ZNF546: variants seen among roughly 807,000 people sequenced by gnomAD.
The protein encoded by ZNF546 is zinc finger protein 546.
A neutral mutation model predicts 76.2 loss-of-function variants in ZNF546; 60 were observed. The ratio of observed to expected loss-of-function variants is 0.79; its 90% CI spans 0.64 to 0.98. The LOEUF is 0.98. ZNF546 is among the 50% of genes least tolerant of loss of function. The probability of loss-of-function intolerance (pLI) is 0.00; values close to 1 mark genes in which losing one functional copy is unlikely to be tolerated. For missense variants in ZNF546, 936 were observed against 1,035.6 expected (o/e 0.90, Z 1.32); for synonymous variants, 277 against 328.1 (o/e 0.84, Z 1.68).
At chr19:40,012,461 C>A (rs2144648508) in intron 6 of ZNF546, among the ~76,000 whole-genome samples, 1 of 152,244 alleles carries the variant, frequency 6.6e-6, no homozygotes, top group Middle Eastern at 3.4e-3. Context: ...AGTTATTATA[C>A]TTAGCTGCCC....
intron 6 of ZNF546, among the ~76,000 whole-genome samples, chr19:40,009,548 A>G (rs1237911139): frequency 6.6e-6 from 1 of 152,222 alleles, no homozygotes; most frequent in African/African-American, 2.4e-5. Context: ...ACACATTTAA[A>G]GTATAAAATT....
chr19:40,012,129 A>AGC (rs1555724747), intron 6 of ZNF546, among the ~76,000 whole-genome samples: 2 of 151,930 alleles, frequency 1.3e-5, no homozygotes, highest in Non-Finnish European at 2.9e-5. Flanking sequence ...GTAATGATAA[A>AGC]ACAACTGATG....
intron 3 of ZNF546, among the ~76,000 whole-genome samples, chr19:40,004,413 A>G (rs1214985370): frequency 6.6e-6 from 1 of 151,822 alleles, no homozygotes; most frequent in African/African-American, 2.4e-5. Context: ...GATTACAGGC[A>G]TGTGCCACCA....
At chr19:40,009,455 T>C (rs1205964460) in intron 6 of ZNF546, among the ~76,000 whole-genome samples, 1 of 152,250 alleles carries the variant, frequency 6.6e-6, no homozygotes, top group African/African-American at 2.4e-5. Context: ...TTATATAGTA[T>C]AAAATGTACT....
At position 40,014,237 on chromosome 19, in the gene ZNF546, C is replaced by T. The variant is rs1222953042; in HGVS notation, c.967C>T (p.His323Tyr). Residue 323 changes from histidine to tyrosine, a missense_variant, in exon 7 of 7, where the codon CAT becomes TAT. His to Tyr is a moderately conservative substitution (Grantham distance 83). Transcript: ENST00000347077. ...VRDLRVHQTI[H>Y]AGERPYECKE... Reference sequence around the variant, plus strand: ...AGACCTTAGAGTACATCAGACAATTCATGCTGGAGAGAGACCTTATGAATG... The same window carrying T: ...AGACCTTAGAGTACATCAGACAATTTATGCTGGAGAGAGACCTTATGAATG... 1 of 1,613,440 alleles carries T rather than the reference C, an allele frequency of 6.2e-7. No individual in the cohort carries two copies. The highest frequency in any genetic ancestry group is 8.5e-7 in the Non-Finnish European group (1 of 1,179,512).
chr19:40,006,286 GA>G lies in ZNF546; in HGVS notation c.171+106del, dbSNP rs1044455042. 5.1e-5 allele frequency: 51 copies of G among 1,001,146 alleles called. No homozygotes were observed. The African/African-American group carries it at 7.2e-4, about 14-fold the overall frequency. 62.0% of individuals were successfully genotyped at this position (1,001,146 alleles called of 1,614,324 possible). On this transcript the variant is annotated intron_variant, in intron 4 of 6. Coordinates refer to ENST00000347077, the MANE Select transcript of ZNF546 (RefSeq NM_178544.5). Reference sequence around the variant, plus strand: ...TCCTTCCTAAGACAACCCTGTTGTGGAACCTGCTCCCTAGTTACTCCCTAGT... The same window carrying G: ...TCCTTCCTAAGACAACCCTGTTGTGGACCTGCTCCCTAGTTACTCCCTAGT...
rs543089995 is a variant in ZNF546 at position 40,020,947 on chromosome 19, G to C, written c.*5166G>C. 2.0e-5 allele frequency: 3 copies of C among 151,970 alleles called. No homozygotes were observed. The highest frequency in any genetic ancestry group is 6.5e-5 in the Admixed American group (1 of 15,282). 9.4% of individuals were successfully genotyped at this position (151,970 alleles called of 1,614,324 possible). On this transcript the variant is annotated 3_prime_UTR_variant, in exon 7 of 7. Coordinates refer to ENST00000347077, the MANE Select transcript of ZNF546 (RefSeq NM_178544.5). ...GGATGGCTCAATTTTTTATTTGAAC[G>C]TACTATAATGAATTTAAACTTTCAT... is the stretch of plus-strand genomic sequence containing the variant.
chr19:40,014,332 G>A lies in ZNF546; in HGVS notation c.1062G>A (p.Glu354=), dbSNP rs1348497045. 6 of 1,613,984 alleles carry A rather than the reference G, an allele frequency of 3.7e-6. No homozygotes were observed. The highest frequency in any genetic ancestry group is 1.3e-5 in the African/African-American group (1 of 74,954). ...LTEHQRIHTG[E]RPYECKVCGK... is the part of the protein sequence containing the mutation. ...AACATCAAAGAATTCATACTGGTGAGAGGCCTTATGAATGTAAGGTTTGTG... is the reference window on the plus strand; with the variant it reads ...AACATCAAAGAATTCATACTGGTGAAAGGCCTTATGAATGTAAGGTTTGTG... Residue 354 remains glutamate, a synonymous_variant, in exon 7 of 7, where the codon GAG becomes GAA. Transcript: ENST00000347077.
chr19:40,003,193 G>C (rs527348588), intron 3 of ZNF546, among the ~76,000 whole-genome samples: 9 of 151,676 alleles, frequency 5.9e-5, no homozygotes, highest in African/African-American at 1.9e-4. Flanking sequence ...CTGCCACCAC[G>C]CCTGGCTAAT....
chr19:40,012,845 G>A (rs540171915), intron 6 of ZNF546, among the ~76,000 whole-genome samples: 60 of 147,198 alleles, frequency 4.1e-4, no homozygotes, highest in Non-Finnish European at 4.8e-4. Context: ...ACAGAGTCTC[G>A]CTTTGTCACC....
In ZNF546 at chr19:40,016,166, C is replaced by T; in HGVS notation, c.*385C>T. 1 of 216,650 alleles carries T rather than the reference C, an allele frequency of 4.6e-6. No individual in the cohort carries two copies. Among genetic ancestry groups the T allele is most frequent in the Non-Finnish European group, 9.3e-6 (1 of 107,486 alleles). The allele number at this position is 216,650 out of a possible 1,614,324, so 13.4% of individuals were successfully genotyped here. Reference sequence around the variant, plus strand: ...GACCCTGCCTCATGGCTTTAGTGAGCCATGATTGTGCCACTGCACTCCAGC... The same window carrying T: ...GACCCTGCCTCATGGCTTTAGTGAGTCATGATTGTGCCACTGCACTCCAGC... On this transcript the variant is annotated 3_prime_UTR_variant, in exon 7 of 7. Coordinates refer to ENST00000347077, the MANE Select transcript of ZNF546 (RefSeq NM_178544.5).
At chr19:40,009,978 A>C (rs1971652137) in intron 6 of ZNF546, among the ~76,000 whole-genome samples, 1 of 151,850 alleles carries the variant, frequency 6.6e-6, no homozygotes, top group South Asian at 2.1e-4. Context: ...AAGCTACTGG[A>C]AACTTTCATG....
rs368223679 is a variant in ZNF546, at chr19:40,014,378, C to T, written c.1108C>T (p.Arg370Ter). Residue 370 changes from arginine (R) to a stop codon, truncating the protein, a stop_gained, in exon 7 of 7, where the codon CGA becomes TGA. Coordinates refer to ENST00000347077, the MANE Select transcript of ZNF546 (RefSeq NM_178544.5). LOFTEE classifies it high-confidence loss of function. ...KVCGKTFRVQ[R>*]HISQHQKIHT... ...TTGTGGCAAGACCTTTAGGGTACAA[C>T]GACATATTAGTCAACATCAGAAAAT... The T allele has an allele frequency of 9.2e-5, 148 of 1,613,116 alleles. No homozygotes were observed. Among genetic ancestry groups the T allele is most frequent in the Non-Finnish European group, 1.1e-4 (135 of 1,179,800 alleles).
Position 40,006,101 on chromosome 19 carries a change from G to A in ZNF546, c.90G>A (p.Arg30=). 1 of 1,613,886 alleles carries A rather than the reference G, an allele frequency of 6.2e-7. No individual in the cohort carries two copies. Among genetic ancestry groups the A allele is most frequent in the Non-Finnish European group, 8.5e-7 (1 of 1,179,936 alleles). ...TCACTTGTTCTTCCCCCCAGCCCCG[G>A]TTTCTCTGGATTCTGTGCTTCTCCA... is the stretch of plus-strand genomic sequence containing the variant. ...IPLHSLSIMP[R]FLWILCFSME... is the part of the protein sequence containing the mutation. Residue 30 remains arginine (R), a synonymous_variant, in exon 4 of 7, where the codon CGG becomes CGA. Coordinates refer to ENST00000347077, the MANE Select transcript of ZNF546 (RefSeq NM_178544.5).
In ZNF546 at chr19:40,005,111, C is replaced by T. The variant is rs548380948; in HGVS notation, c.85-985C>T. Reference sequence around the variant, plus strand: ...TCAGCTCACTGCAACCTCTGCCTCCCGGGTTCAAGCGATTCTCCTGCCTTA... The same window carrying T: ...TCAGCTCACTGCAACCTCTGCCTCCTGGGTTCAAGCGATTCTCCTGCCTTA... On this transcript the variant is annotated intron_variant, in intron 3 of 6. Transcript: ENST00000347077. Among the ~76,000 whole-genome samples the T allele has an allele frequency of 5.8e-4, 86 of 148,284 alleles. 1 individual carries two copies. Among genetic ancestry groups the T allele is most frequent in the African/African-American group, 2.2e-3 (84 of 38,830 alleles).
At chr19:40,004,844 A>G (rs543128305) in intron 3 of ZNF546, among the ~76,000 whole-genome samples, 12 of 152,128 alleles carry the variant, frequency 7.9e-5, no homozygotes, top group African/African-American at 2.9e-4. Context: ...CCAATTTAGT[A>G]TAGTATTTAA....
At chr19:40,007,218 T>C (rs924355635) in intron 4 of ZNF546, 56 bp from the exon 5 acceptor site, 11 of 1,410,406 alleles carry the variant, frequency 7.8e-6, no homozygotes, top group Non-Finnish European at 9.4e-6. Flanking sequence ...GCAAAGCAGT[T>C]TTCCATCTTG....
In ZNF546 at chr19:40,006,306, C is replaced by T. The variant is rs1971601749; in HGVS notation, c.171+124C>T. ...TTGTGGAACCTGCTCCCTAGTTACT[C>T]CCTAGTTACAGTGAAGGATAGTGCC... On this transcript the variant is annotated intron_variant, in intron 4 of 6. Coordinates refer to ENST00000347077, the MANE Select transcript of ZNF546 (RefSeq NM_178544.5). 7 of 676,748 alleles carry T rather than the reference C, an allele frequency of 1.0e-5. No individual in the cohort carries two copies. The South Asian group carries it at 1.4e-4, about 14-fold the overall frequency. The allele number at this position is 676,748 out of a possible 1,614,324, so 41.9% of individuals were successfully genotyped here. A position where few individuals can be genotyped will look rare whatever the true frequency, so the allele number is the denominator to read the frequency against.
At chr19:39,998,833 C>T (rs1167973906) in intron 3 of ZNF546, among the ~76,000 whole-genome samples, 1 of 152,088 alleles carries the variant, frequency 6.6e-6, no homozygotes, top group African/African-American at 2.4e-5. Context: ...AGTGCAATGG[C>T]ATGAACTCGG....
Sources: gnomAD v4.1 joint callset for allele counts (sites outside exome capture counted in the v4.1 genomes callset) on GRCh38, gnomAD v4.1.1 for gene constraint, MANE v1.5 for transcripts, NCBI Gene and HGNC (gene_info 2026-07-23, HGNC 2026-07-21) for gene names.